SLC8A1: variants seen among roughly 807,000 people sequenced by gnomAD.
SLC8A1 encodes sodium/calcium exchanger 1.
A neutral mutation model predicts 68.3 loss-of-function variants in SLC8A1; 18 were observed. That is an observed-to-expected ratio of 0.26 (90% confidence interval 0.18 to 0.39). SLC8A1 has a LOEUF of 0.39. Among genes scored for constraint, SLC8A1 ranks in the 10% least tolerant of loss-of-function variants. The pLI is 1.00. For synonymous variants in SLC8A1, 475 were observed against 415.5 expected, an observed-to-expected ratio of 1.14 and a Z score of -1.74; for missense variants, 985 against 1,156.7, an observed-to-expected ratio of 0.85 and a Z score of 2.15.
intron 1 of SLC8A1, among the ~76,000 whole-genome samples, chr2:40,482,641 G>A (rs1188359061): frequency 6.6e-6 from 1 of 152,172 alleles, no homozygotes; most frequent in Non-Finnish European, 1.5e-5. Flanking sequence ...GTAAGTGGCA[G>A]AGTGGGGATT....
At chr2:40,505,189 A>T (rs1180087970) in intron 1 of SLC8A1, among the ~76,000 whole-genome samples, 1 of 151,956 alleles carries the variant, frequency 6.6e-6, no homozygotes, top group East Asian at 1.9e-4. Context: ...GATGGTTACC[A>T]GAGGCTGGCA....
At chr2:40,152,540 G>T (rs987370137) in intron 6 of SLC8A1, among the ~76,000 whole-genome samples, 21 of 151,898 alleles carry the variant, frequency 1.4e-4, no homozygotes, top group Admixed American at 1.2e-3. Context: ...TAGCGGCTGG[G>T]ATTTCAGGTG....
rs1475463213 is a variant in SLC8A1 at position 40,175,250 on chromosome 2, GA to G, written c.1913-409del. On this transcript the variant is annotated intron_variant, in intron 3 of 7. Transcript: ENST00000406785. ...AAAATGGAAAGGAAATGCAAGAAATGAAATGCTTACCAAGCTCATTCAATAA... is the reference window on the plus strand; with the variant it reads ...AAAATGGAAAGGAAATGCAAGAAATGAATGCTTACCAAGCTCATTCAATAA... 1.2e-6 allele frequency: 2 copies of G among 1,612,552 alleles called. No individual in the cohort carries two copies. The highest frequency in any genetic ancestry group is 2.7e-5 in the African/African-American group (2 of 74,880).
chr2:40,269,130 C>T (rs72939213), intron 2 of SLC8A1, among the ~76,000 whole-genome samples: 1 of 152,192 alleles, frequency 6.6e-6, no homozygotes, highest in Non-Finnish European at 1.5e-5. Flanking sequence ...GCTTCCAGAA[C>T]TCAACTCTAT....
At chr2:40,136,147 T>C (rs1390655646) in intron 7 of SLC8A1, among the ~76,000 whole-genome samples, 1 of 152,166 alleles carries the variant, frequency 6.6e-6, no homozygotes, top group Non-Finnish European at 1.5e-5. Flanking sequence ...AAGAGGCTAC[T>C]TGGGAAGCCT....
chr2:40,407,988 C>T (rs967943618), intron 2 of SLC8A1, among the ~76,000 whole-genome samples: 4 of 152,140 alleles, frequency 2.6e-5, no homozygotes, highest in Admixed American at 1.3e-4. Flanking sequence ...CACATATAAC[C>T]GTGTTAGGCA....
chr2:40,260,486 G>T (rs1339702164), intron 2 of SLC8A1, among the ~76,000 whole-genome samples: 2 of 152,058 alleles, frequency 1.3e-5, no homozygotes, highest in Admixed American at 6.6e-5. Context: ...AACTTTAACA[G>T]TAACGTCTAA....
At chr2:40,170,214 G>T (rs2047222144) in intron 4 of SLC8A1, 67 bp downstream of exon 7, 1 of 1,364,578 alleles carries the variant, frequency 7.3e-7, no homozygotes, top group Non-Finnish European at 1.0e-6. Context: ...ATGCATGACT[G>T]TAATGTCTCT....
rs1360337743 is a variant in SLC8A1, at chr2:40,104,618, C to G, written c.*10635G>C. ...ATTTAATTAGAATGCCATAAGTGGA[C>G]TCTTCCTGACTAAATCAAAGACTAG... On this transcript the variant is annotated 3_prime_UTR_variant, in exon 8 of 8. Coordinates refer to ENST00000406785, the Ensembl canonical transcript of SLC8A1. The G allele has an allele frequency of 2.0e-5, 3 of 152,188 alleles. No homozygotes were observed. The South Asian group carries it at 6.2e-4, about 32-fold the overall frequency. 9.4% of individuals were successfully genotyped at this position (152,188 alleles called of 1,614,324 possible).
chr2:40,359,710 T>C (rs1673947150), intron 2 of SLC8A1, among the ~76,000 whole-genome samples: 1 of 152,110 alleles, frequency 6.6e-6, no homozygotes, highest in South Asian at 2.1e-4. Flanking sequence ...AGAAATCATG[T>C]TGGGAAAACA....
At chr2:40,304,736 G>A (rs752536153) in intron 2 of SLC8A1, among the ~76,000 whole-genome samples, 2 of 152,070 alleles carry the variant, frequency 1.3e-5, no homozygotes, top group Non-Finnish European at 2.9e-5. Context: ...CTAATCTGTT[G>A]GTACTGCATT....
At chr2:40,208,823 T>C (rs1330452243) in intron 2 of SLC8A1, among the ~76,000 whole-genome samples, 1 of 152,136 alleles carries the variant, frequency 6.6e-6, no homozygotes, top group African/African-American at 2.4e-5. Context: ...ATTTAGGCTT[T>C]AATGCACTTT....
chr2:40,415,087 G>T (rs1415503309), intron 2 of SLC8A1, among the ~76,000 whole-genome samples: 1 of 152,132 alleles, frequency 6.6e-6, no homozygotes, highest in Non-Finnish European at 1.5e-5. Flanking sequence ...GAAGAAGACT[G>T]ATAAGGATAG....
chr2:40,202,857 C>G (rs1346596021), intron 2 of SLC8A1, among the ~76,000 whole-genome samples: 1 of 151,988 alleles, frequency 6.6e-6, no homozygotes, highest in African/African-American at 2.4e-5. Flanking sequence ...GAAATTTTCT[C>G]TATGCCCAGG....
intron 2 of SLC8A1, among the ~76,000 whole-genome samples, chr2:40,358,482 G>A (rs770175092): frequency 4.6e-5 from 7 of 152,156 alleles, no homozygotes; most frequent in Non-Finnish European, 1.0e-4. Flanking sequence ...GTTCATTGAA[G>A]CATCAAGGAA....
At chr2:40,437,167 C>A (rs748697822) in intron 1 of SLC8A1, among the ~76,000 whole-genome samples, 27 of 152,138 alleles carry the variant, frequency 1.8e-4, no homozygotes, top group Non-Finnish European at 3.4e-4. Flanking sequence ...AGGCATTTTG[C>A]ATTAAACTAT....
chr2:40,373,359 A>G (rs1360886273), intron 2 of SLC8A1, among the ~76,000 whole-genome samples: 1 of 152,118 alleles, frequency 6.6e-6, no homozygotes, highest in Admixed American at 6.5e-5. Flanking sequence ...TCAAAAATAG[A>G]TCATCACAGT....
At position 40,115,562 on chromosome 2, in the gene SLC8A1, C is replaced by A. The variant is rs192452025; in HGVS notation, c.2505G>T (p.Thr835=). 15 of 1,613,848 alleles carry A rather than the reference C, an allele frequency of 9.3e-6. No homozygotes were observed. The East Asian group carries it at 2.7e-4, about 29-fold the overall frequency. ...GGAAGACATTCACCGCGTTGCTGCC[C>A]GTGACGTTACCTATGGAGGCGTCTG... Residue 835 remains threonine (T), a synonymous_variant, in exon 8 of 8, where the codon ACG becomes ACT. Transcript: ENST00000406785.
At chr2:40,318,685 C>A (rs1401912247) in intron 2 of SLC8A1, among the ~76,000 whole-genome samples, 1 of 151,890 alleles carries the variant, frequency 6.6e-6, no homozygotes, top group Non-Finnish European at 1.5e-5. Context: ...AAAATTCAGT[C>A]CCAAAATAGT....
Sources: gnomAD v4.1 joint callset for allele counts (sites outside exome capture counted in the v4.1 genomes callset) on GRCh38, gnomAD v4.1.1 for gene constraint, MANE v1.5 for transcripts, NCBI Gene and HGNC (gene_info 2026-07-23, HGNC 2026-07-21) for gene names.